The following EPHA6 variants were observed in gnomAD, a reference collection of about 807,000 sequenced individuals.
EPHA6 encodes the protein EPH receptor A6.
In EPHA6, 50 loss-of-function variants were observed where a neutral mutation model predicts 112.0. The observed-to-expected ratio is 0.45, with a 90% CI of 0.36 to 0.56. EPHA6 has a LOEUF of 0.56. EPHA6 is among the 20% of genes least tolerant of loss of function. The pLI, the probability that EPHA6 is intolerant of heterozygous loss-of-function variation, is 0.00. For synonymous variants in EPHA6, 529 were observed against 490.7 expected (o/e 1.08, Z -1.03); for missense variants, 1,280 against 1,417.4 (o/e 0.90, Z 1.56).
intron 13 of EPHA6, among the ~76,000 whole-genome samples, chr3:97,628,603 A>G (rs927222628): frequency 6.6e-6 from 1 of 152,192 alleles, no homozygotes; most frequent in South Asian, 2.1e-4. Context: ...TTGAAATAAC[A>G]TATCTAAGTG....
intron 7 of EPHA6, among the ~76,000 whole-genome samples, chr3:97,472,142 C>A (rs2091248069): frequency 6.6e-6 from 1 of 151,602 alleles, no homozygotes; most frequent in African/African-American, 2.4e-5. Context: ...CTGCAAATTC[C>A]TTTTTTGAGG....
At chr3:97,318,951 T>C (rs1157729328) in intron 5 of EPHA6, among the ~76,000 whole-genome samples, 1 of 151,938 alleles carries the variant, frequency 6.6e-6, no homozygotes, top group Non-Finnish European at 1.5e-5. Flanking sequence ...AATAGTAGAA[T>C]TTGTTTCTCA....
intron 2 of EPHA6, among the ~76,000 whole-genome samples, chr3:96,923,959 G>T (rs2039905272): frequency 6.6e-6 from 1 of 151,846 alleles, no homozygotes; most frequent in South Asian, 2.1e-4. Flanking sequence ...CTTATGTCTG[G>T]TTTCTCTATT....
chr3:97,499,378 C>T (rs191374370), intron 10 of EPHA6, among the ~76,000 whole-genome samples: 14 of 152,252 alleles, frequency 9.2e-5, no homozygotes, highest in Admixed American at 2.6e-4. Context: ...CAAATATAGT[C>T]ACTATGTTTT....
chr3:97,264,836 G>A (rs905018526), intron 5 of EPHA6, among the ~76,000 whole-genome samples: 3 of 152,140 alleles, frequency 2.0e-5, no homozygotes, highest in African/African-American at 7.2e-5. Flanking sequence ...TGTCCTAGCA[G>A]GGCTAGGAGC....
At chr3:96,817,635 A>G (rs1054814252) in intron 1 of EPHA6, among the ~76,000 whole-genome samples, 2 of 151,910 alleles carry the variant, frequency 1.3e-5, no homozygotes, top group Non-Finnish European at 1.5e-5. Flanking sequence ...AATTACATTT[A>G]TATGTAACTT....
chr3:97,125,896 A>G (rs2048169723), intron 3 of EPHA6, among the ~76,000 whole-genome samples: 1 of 152,166 alleles, frequency 6.6e-6, no homozygotes, highest in African/African-American at 2.4e-5. Flanking sequence ...TAATAAGGAC[A>G]TAAGTAAAGA....
intron 5 of EPHA6, among the ~76,000 whole-genome samples, chr3:97,391,930 G>C (rs1179893012): frequency 6.6e-6 from 1 of 151,652 alleles, no homozygotes; most frequent in Non-Finnish European, 1.5e-5. Context: ...GGGTCCAACA[G>C]AAAAATATTT....
At chr3:97,180,474 C>T (rs2076957695) in intron 3 of EPHA6, among the ~76,000 whole-genome samples, 1 of 152,144 alleles carries the variant, frequency 6.6e-6, no homozygotes, top group Non-Finnish European at 1.5e-5. Context: ...GTAGCCACCA[C>T]CACTTGTTAT....
chr3:96,889,736 A>G (rs1389702265), intron 2 of EPHA6, among the ~76,000 whole-genome samples: 2 of 152,184 alleles, frequency 1.3e-5, no homozygotes, highest in East Asian at 3.9e-4. Flanking sequence ...GAAATCTGAA[A>G]GAAGAAGAAT....
At chr3:96,824,841 G>A (rs1392490978) in intron 1 of EPHA6, among the ~76,000 whole-genome samples, 5 of 151,868 alleles carry the variant, frequency 3.3e-5, no homozygotes, top group Non-Finnish European at 7.4e-5. Flanking sequence ...TGTTAGCCAC[G>A]ATTTGTGTGA....
At chr3:97,182,443 G>A (rs1006396250) in intron 3 of EPHA6, among the ~76,000 whole-genome samples, 91 of 151,546 alleles carry the variant, frequency 6.0e-4, no homozygotes, top group African/African-American at 2.2e-3. Flanking sequence ...GAAATGCACG[G>A]AATTTTTAGT....
chr3:97,213,997 C>CTGTGTGTGTG (rs10557927), intron 3 of EPHA6, among the ~76,000 whole-genome samples: 118 of 128,926 alleles, frequency 9.2e-4, no homozygotes, highest in African/African-American at 3.1e-3. Flanking sequence ...CTCATGTGTT[C>CTGTGTGTGTG]TGTGTGTGTG....
chr3:97,582,369 G>A (rs956607607), intron 11 of EPHA6, among the ~76,000 whole-genome samples: 1 of 152,074 alleles, frequency 6.6e-6, no homozygotes, highest in East Asian at 1.9e-4. Flanking sequence ...CTCACCGGTA[G>A]GGAGATTTTG....
At chr3:97,292,561 G>A (rs578196315) in intron 5 of EPHA6, among the ~76,000 whole-genome samples, 2 of 152,324 alleles carry the variant, frequency 1.3e-5, no homozygotes, top group Non-Finnish European at 2.9e-5. Flanking sequence ...GAAGAGACCC[G>A]TGATGGATAG....
At chr3:97,596,875 A>AAAATATATATATATAT (rs570033415) in intron 12 of EPHA6, among the ~76,000 whole-genome samples, 56 of 100,376 alleles carry the variant, frequency 5.6e-4, no homozygotes, top group African/African-American at 2.8e-3. Context: ...ATATCTATGG[A>AAAATATATATATATAT]ATATATATAT....
chr3:96,935,037 C>T (rs894438049), intron 2 of EPHA6, among the ~76,000 whole-genome samples: 3 of 151,562 alleles, frequency 2.0e-5, no homozygotes, highest in Non-Finnish European at 4.4e-5. Flanking sequence ...AATGTCTACC[C>T]AACGCTTGTA....
At chr3:96,965,482 C>T (rs2042092394) in intron 2 of EPHA6, among the ~76,000 whole-genome samples, 1 of 151,942 alleles carries the variant, frequency 6.6e-6, no homozygotes. Flanking sequence ...GGAAAATGTC[C>T]TTATAACATC....
At chr3:97,651,116 T>C (rs1234062666) in intron 14 of EPHA6, among the ~76,000 whole-genome samples, 1 of 152,112 alleles carries the variant, frequency 6.6e-6, no homozygotes, top group Non-Finnish European at 1.5e-5. Context: ...AATGGCTTAT[T>C]TATTAATTGC....
Sources: allele counts gnomAD v4.1 joint callset (sites outside exome capture counted in the v4.1 genomes callset), GRCh38; gene constraint gnomAD v4.1.1; transcripts MANE v1.5; gene names NCBI Gene and HGNC (gene_info 2026-07-23, HGNC 2026-07-21).